ATXN1: variants seen among roughly 807,000 people sequenced by gnomAD.
ATXN1 encodes ataxin 1.
Under a neutral mutation model 56.4 loss-of-function variants are expected in ATXN1, and 8 were observed. The ratio of observed to expected loss-of-function variants is 0.14; its 90% CI spans 0.08 to 0.26. The LOEUF (loss-of-function observed/expected upper bound fraction) is 0.26, where lower values mean the gene tolerates loss of function less well. Among genes scored for constraint, ATXN1 ranks in the 10% least tolerant of loss-of-function variants. ATXN1 has a pLI of 1.00. For synonymous variants in ATXN1, 514 were observed against 494.6 expected, an observed-to-expected ratio of 1.04 and a Z score of -0.52; for missense variants, 987 against 1,106.5, an observed-to-expected ratio of 0.89 and a Z score of 1.53.
Position 16,327,776 on chromosome 6 carries a change from T to G in ATXN1, c.535A>C (p.Thr179Pro). The G allele has an allele frequency of 6.2e-7, 1 of 1,609,114 alleles. No individual in the cohort carries two copies. The highest frequency in any genetic ancestry group is 8.5e-7 in the Non-Finnish European group (1 of 1,179,816). ...SQRSQLEAYS[T>P]LLANMGSLSQ... ...AGACTGCCCATGTTGGCCAGCAGAGTGGAATAGGCCTCCAGCTGGGAGCGC... is the reference window on the plus strand; with the variant it reads ...AGACTGCCCATGTTGGCCAGCAGAGGGGAATAGGCCTCCAGCTGGGAGCGC... Residue 179 changes from threonine (T) to proline (P), a missense_variant, in exon 7 of 8, where the codon ACT (threonine) becomes CCT (proline). Physicochemically the swap from Thr to Pro is conservative, Grantham distance 38 (BLOSUM62 -1). Around this residue, in one of 3 missense-constraint regions of ATXN1, gnomAD observed 723 missense variants for 791.7 expected, o/e 0.91. Coordinates refer to ENST00000436367, the MANE Select transcript of ATXN1 (RefSeq NM_001128164.2).
intron 6 of ATXN1, among the ~76,000 whole-genome samples, chr6:16,405,074 T>C (rs1275890582): frequency 6.6e-6 from 1 of 152,338 alleles, no homozygotes; most frequent in Admixed American, 6.5e-5. Context: ...CCAACAAGTA[T>C]GTACATTTCA....
chr6:16,380,677 G>C (rs540409535), intron 6 of ATXN1, among the ~76,000 whole-genome samples: 1 of 152,104 alleles, frequency 6.6e-6, no homozygotes, highest in African/African-American at 2.4e-5. Flanking sequence ...TAGCTCTTAG[G>C]GGAGTGTGAG....
intron 4 of ATXN1, among the ~76,000 whole-genome samples, chr6:16,571,649 A>C (rs1489681385): frequency 6.7e-6 from 1 of 149,844 alleles, no homozygotes; most frequent in Admixed American, 6.7e-5. Flanking sequence ...ACAACATTAC[A>C]CTCAGCTAAT....
chr6:16,652,724 C>T (rs1026499845), intron 3 of ATXN1: 4 of 152,202 alleles, frequency 2.6e-5, no homozygotes, highest in Admixed American at 2.6e-4. Flanking sequence ...AAGAACTACG[C>T]AGAGGAAAAT....
intron 4 of ATXN1, among the ~76,000 whole-genome samples, chr6:16,540,632 T>G (rs1400050581): frequency 1.3e-5 from 2 of 152,224 alleles, no homozygotes; most frequent in African/African-American, 4.8e-5. Flanking sequence ...GATAAATGGC[T>G]GCAGTTGGGA....
At chr6:16,679,632 T>G (rs1758772029) in intron 2 of ATXN1, among the ~76,000 whole-genome samples, 1 of 152,228 alleles carries the variant, frequency 6.6e-6, no homozygotes, top group Non-Finnish European at 1.5e-5. Flanking sequence ...TTACTGCACT[T>G]TTCATGTACA....
intron 2 of ATXN1, among the ~76,000 whole-genome samples, chr6:16,679,372 GTGGA>G (rs10618388): frequency 0.21 from 30,345 of 143,954 alleles, 3,729 homozygotes; most frequent in Admixed American, 0.3. Context: ...AGGTGGGTGG[GTGGA>G]TGGATGGATG....
intron 4 of ATXN1, among the ~76,000 whole-genome samples, chr6:16,584,470 A>C (rs1762587994): frequency 6.6e-6 from 1 of 151,978 alleles, no homozygotes; most frequent in Non-Finnish European, 1.5e-5. Context: ...TTGTCTAAAA[A>C]TACTTGGCCA....
chr6:16,462,257 C>T (rs1316029915), intron 6 of ATXN1, among the ~76,000 whole-genome samples: 4 of 152,026 alleles, frequency 2.6e-5, no homozygotes, highest in South Asian at 4.2e-4. Flanking sequence ...TCACTACATG[C>T]GAGTTAAACT....
chr6:16,539,027 C>G (rs1288723848), intron 4 of ATXN1, among the ~76,000 whole-genome samples: 3 of 152,146 alleles, frequency 2.0e-5, no homozygotes, highest in Admixed American at 2.0e-4. Context: ...ACTACTTACC[C>G]CCACTATCCT....
At chr6:16,685,156 T>TG (rs5874569) in intron 2 of ATXN1, among the ~76,000 whole-genome samples, 34,066 of 152,136 alleles carry the variant, frequency 0.22, 4,087 homozygotes, top group Admixed American at 0.3. Flanking sequence ...GGTCAATCTG[T>TG]TAAGTGTATT....
chr6:16,570,105 T>C (rs890714173), intron 4 of ATXN1, among the ~76,000 whole-genome samples: 15 of 152,240 alleles, frequency 9.9e-5, no homozygotes, highest in African/African-American at 3.6e-4. Flanking sequence ...CCTTGCCCAT[T>C]GTACCATCAT....
intron 5 of ATXN1, among the ~76,000 whole-genome samples, chr6:16,510,066 C>T (rs974627628): frequency 2.6e-5 from 4 of 152,246 alleles, no homozygotes; most frequent in Admixed American, 2.6e-4. Flanking sequence ...CTTTAACCCT[C>T]TGAAGCGTGT....
chr6:16,716,576 T>C (rs1759645724), intron 2 of ATXN1, among the ~76,000 whole-genome samples: 1 of 152,166 alleles, frequency 6.6e-6, no homozygotes. Flanking sequence ...AAGGAGGGCT[T>C]CTAGTTCTTC....
chr6:16,326,041 C>T lies in ATXN1; in HGVS notation c.1917+353G>A, dbSNP rs1305304886. On this transcript the variant is annotated intron_variant, in intron 7 of 7. Transcript: ENST00000436367. This position sits in a 1 kb window ranked among gnomAD's most constrained non-coding sequence, Gnocchi z 6.6. ...TGTCTTTTCCTGGTAAGAAAAAGTGCCGAATGACCACTAGAAGGACCTGAA... is the reference window on the plus strand; with the variant it reads ...TGTCTTTTCCTGGTAAGAAAAAGTGTCGAATGACCACTAGAAGGACCTGAA... Among the ~76,000 whole-genome samples, 1 of 152,196 alleles carries T rather than the reference C, an allele frequency of 6.6e-6. No homozygotes were observed. The highest frequency in any genetic ancestry group is 1.5e-5 in the Non-Finnish European group (1 of 68,038).
At chr6:16,329,537 G>A (rs976388047) in intron 6 of ATXN1, among the ~76,000 whole-genome samples, 2 of 152,112 alleles carry the variant, frequency 1.3e-5, no homozygotes, top group African/African-American at 4.8e-5. Context: ...AACCGAATTT[G>A]ATTATGGTTA....
chr6:16,490,732 T>C (rs1423949244), intron 5 of ATXN1, among the ~76,000 whole-genome samples: 1 of 152,216 alleles, frequency 6.6e-6, no homozygotes, highest in Non-Finnish European at 1.5e-5. Flanking sequence ...TTATCTGGGC[T>C]GGGATGACTT....
intron 6 of ATXN1, among the ~76,000 whole-genome samples, chr6:16,349,701 A>T (rs1236720670): frequency 6.6e-6 from 1 of 152,090 alleles, no homozygotes; most frequent in Non-Finnish European, 1.5e-5. Context: ...AAGTCTCTAA[A>T]ATTGTCTTCT....
intron 3 of ATXN1, among the ~76,000 whole-genome samples, chr6:16,624,924 T>C (rs1414147659): frequency 6.6e-6 from 1 of 152,260 alleles, no homozygotes; most frequent in African/African-American, 2.4e-5. Flanking sequence ...CCTTTGTTTC[T>C]GCCACTGATC....
Sources: allele counts gnomAD v4.1 joint callset (sites outside exome capture counted in the v4.1 genomes callset), GRCh38; gene constraint gnomAD v4.1.1; regional missense constraint gnomAD v4.1.1; non-coding constraint Gnocchi (gnomAD v3.1); transcripts MANE v1.5; gene names NCBI Gene and HGNC (gene_info 2026-07-23, HGNC 2026-07-21).